Variants in SUMF1 observed in about 807,000 individuals in gnomAD.
SUMF1 encodes the protein formylglycine-generating enzyme.
Under a neutral mutation model 47.6 loss-of-function variants are expected in SUMF1, and 48 were observed. The observed-to-expected ratio is 1.01, with a 90% CI of 0.80 to 1.28. SUMF1 has a LOEUF of 1.28. Among genes scored for constraint, SUMF1 ranks in the 50% most tolerant of loss-of-function variants. SUMF1 has a pLI of 0.00. For missense variants in SUMF1, 571 were observed against 485.4 expected, an observed-to-expected ratio of 1.18 and a Z score of -1.66; for synonymous variants, 230 against 192.1, an observed-to-expected ratio of 1.20 and a Z score of -1.63.
At chr3:4,110,987 G>T (rs988899452) in intron 8 of SUMF1, among the ~76,000 whole-genome samples, 11 of 148,810 alleles carry the variant, frequency 7.4e-5, no homozygotes, top group African/African-American at 2.2e-4. Flanking sequence ...ATAACTTAAA[G>T]TATAATAATA....
chr3:4,086,614 G>C (rs1692677573), intron 8 of SUMF1, among the ~76,000 whole-genome samples: 1 of 152,074 alleles, frequency 6.6e-6, no homozygotes, highest in Non-Finnish European at 1.5e-5. Flanking sequence ...CAAGTGGTTA[G>C]AGAACTGTAA....
intron 8 of SUMF1, among the ~76,000 whole-genome samples, chr3:4,292,500 T>C (rs1697760198): frequency 6.6e-6 from 1 of 152,216 alleles, no homozygotes; most frequent in African/African-American, 2.4e-5. Context: ...AGGCAATATA[T>C]TGTATTTTAT....
At chr3:4,360,792 A>G (rs1699732652), downstream of SUMF1, among the ~76,000 whole-genome samples, 1 of 152,228 alleles carries the variant, frequency 6.6e-6, no homozygotes, top group Non-Finnish European at 1.5e-5. Flanking sequence ...GGACTGAGGA[A>G]TCAGGATGGG....
At chr3:4,283,511 AG>A (rs1697570412) in intron 8 of SUMF1, among the ~76,000 whole-genome samples, 4 of 152,190 alleles carry the variant, frequency 2.6e-5, no homozygotes, top group Non-Finnish European at 5.9e-5. Flanking sequence ...AATTCAAATA[AG>A]AGCAAAAGAT....
intron 8 of SUMF1, among the ~76,000 whole-genome samples, chr3:4,278,375 T>C (rs1019150582): frequency 6.6e-6 from 1 of 152,124 alleles, no homozygotes; most frequent in Non-Finnish European, 1.5e-5. Flanking sequence ...TCAAACCTAT[T>C]ACCTTTAATG....
At chr3:4,040,809 C>A (rs1694895085) in intron 9 of SUMF1, among the ~76,000 whole-genome samples, 1 of 152,134 alleles carries the variant, frequency 6.6e-6, no homozygotes, top group Admixed American at 6.5e-5. Flanking sequence ...ACCAGAGAGG[C>A]AATCCATTCC....
intron 8 of SUMF1, among the ~76,000 whole-genome samples, chr3:4,281,937 C>A (rs1016612260): frequency 6.6e-6 from 1 of 151,990 alleles, no homozygotes; most frequent in Non-Finnish European, 1.5e-5. Flanking sequence ...GAAAGAAAGA[C>A]AAATTCAGTA....
rs77768682 is a variant in SUMF1, at chr3:4,278,498, C to G, written c.1014+97832G>C. Reference sequence around the variant, plus strand: ...ACAGGATGACTTGCTTAATTCTGAGCAAAATTTTAAAAAGAACATCCTAAG... The same window carrying G: ...ACAGGATGACTTGCTTAATTCTGAGGAAAATTTTAAAAAGAACATCCTAAG... On this transcript the variant is annotated intron_variant and NMD_transcript_variant, in intron 8 of 12. Coordinates refer to the SUMF1 transcript ENST00000448413. Among the ~76,000 whole-genome samples, 662 of 152,034 alleles carry G rather than the reference C, an allele frequency of 4.4e-3. 3 individuals are homozygous for G. Among genetic ancestry groups the G allele is most frequent in the African/African-American group, 0.015 (633 of 41,492 alleles).
At chr3:4,429,584 A>G (rs1702173024) in intron 3 of SUMF1, among the ~76,000 whole-genome samples, 1 of 152,254 alleles carries the variant, frequency 6.6e-6, no homozygotes, top group Non-Finnish European at 1.5e-5. Flanking sequence ...TATTTGTAAA[A>G]GACAGGAAAA....
chr3:4,108,508 A>C (rs1049410991), intron 8 of SUMF1, among the ~76,000 whole-genome samples: 1 of 152,034 alleles, frequency 6.6e-6, no homozygotes, highest in Non-Finnish European at 1.5e-5. Context: ...GATCTGTCTA[A>C]TGTTGACAGT....
At chr3:4,275,996 T>C (rs1006201583) in intron 8 of SUMF1, among the ~76,000 whole-genome samples, 1 of 152,222 alleles carries the variant, frequency 6.6e-6, no homozygotes, top group Non-Finnish European at 1.5e-5. Flanking sequence ...TTCATTTCTC[T>C]GTAGTTCTGG....
intron 8 of SUMF1, among the ~76,000 whole-genome samples, chr3:4,336,977 C>G (rs763911303): frequency 2.0e-5 from 3 of 152,194 alleles, no homozygotes; most frequent in Non-Finnish European, 2.9e-5. Context: ...CAATTGCAAA[C>G]TGCTGATCCC....
chr3:4,117,818 C>G (rs1012623076), intron 8 of SUMF1, among the ~76,000 whole-genome samples: 1 of 151,984 alleles, frequency 6.6e-6, no homozygotes, highest in East Asian at 1.9e-4. Flanking sequence ...ATTAAGTACT[C>G]AGGTTCTTGG....
intron 8 of SUMF1, among the ~76,000 whole-genome samples, chr3:4,183,722 T>C (rs1423189935): frequency 2.0e-5 from 3 of 152,172 alleles, no homozygotes; most frequent in Non-Finnish European, 4.4e-5. Context: ...CTTATCTACT[T>C]TAAGCCTGCC....
At chr3:4,140,881 T>G (rs934178575) in intron 8 of SUMF1, among the ~76,000 whole-genome samples, 1 of 152,098 alleles carries the variant, frequency 6.6e-6, no homozygotes, top group African/African-American at 2.4e-5. Flanking sequence ...TTGAGATTAT[T>G]AGTAATCTGT....
chr3:4,304,707 A>C (rs1189311488), intron 8 of SUMF1, among the ~76,000 whole-genome samples: 1 of 152,164 alleles, frequency 6.6e-6, no homozygotes, highest in African/African-American at 2.4e-5. Flanking sequence ...TTTTGTGAGG[A>C]TCAGATAAGA....
chr3:4,238,253 T>C (rs964598937), intron 8 of SUMF1, among the ~76,000 whole-genome samples: 2 of 152,154 alleles, frequency 1.3e-5, no homozygotes, highest in Non-Finnish European at 2.9e-5. Context: ...TGTGCATGTG[T>C]CTTTATAGAA....
intron 8 of SUMF1, among the ~76,000 whole-genome samples, chr3:4,249,560 T>C (rs530397378): frequency 2.0e-5 from 3 of 152,288 alleles, no homozygotes; most frequent in Non-Finnish European, 1.5e-5. Flanking sequence ...TTAATAAATG[T>C]TTGTGTTCTG....
At chr3:4,153,404 T>A (rs955843555) in intron 8 of SUMF1, among the ~76,000 whole-genome samples, 2 of 151,324 alleles carry the variant, frequency 1.3e-5, no homozygotes, top group Non-Finnish European at 2.9e-5. Flanking sequence ...TTTGTAGAGT[T>A]AGGATCTTCC....
Sources: gnomAD v4.1 joint callset for allele counts (sites outside exome capture counted in the v4.1 genomes callset) on GRCh38, gnomAD v4.1.1 for gene constraint, MANE v1.5 for transcripts, NCBI Gene and HGNC (gene_info 2026-07-23, HGNC 2026-07-21) for gene names.